The following DEPTOR variants were observed in gnomAD, a reference collection of about 807,000 sequenced individuals.
DEPTOR encodes DEP domain containing MTOR interacting protein, also known as DEP domain-containing mTOR-interacting protein.
In DEPTOR, 41 loss-of-function variants were observed where a neutral mutation model predicts 41.6. The ratio of observed to expected loss-of-function variants is 0.98; its 90% CI spans 0.77 to 1.28. DEPTOR has a LOEUF of 1.28. Ranked by LOEUF, DEPTOR falls within the 50% of genes most tolerant of loss-of-function variation. DEPTOR has a pLI of 0.00. For synonymous variants in DEPTOR, 195 were observed against 192.3 expected (o/e 1.01, Z -0.12); for missense variants, 514 against 527.9 (o/e 0.97, Z 0.26).
At chr8:120,030,076 G>A (rs1447524948) in intron 8 of DEPTOR, among the ~76,000 whole-genome samples, 1 of 152,178 alleles carries the variant, frequency 6.6e-6, no homozygotes, top group African/African-American at 2.4e-5. Context: ...TAGAGCCAGA[G>A]TAATCAGGAC....
At chr8:120,016,310 T>C (rs1241052642) in intron 8 of DEPTOR, among the ~76,000 whole-genome samples, 3 of 152,010 alleles carry the variant, frequency 2.0e-5, no homozygotes, top group African/African-American at 7.2e-5. Context: ...TTTTTCCTTT[T>C]TTTTTGAGAT....
intron 1 of DEPTOR, among the ~76,000 whole-genome samples, chr8:119,905,247 A>T (rs1827647720): frequency 6.6e-6 from 1 of 152,158 alleles, no homozygotes; most frequent in Non-Finnish European, 1.5e-5. Flanking sequence ...ACAGCCAGAG[A>T]TAGAAATGTG....
At chr8:120,011,283 A>G (rs1462475166) in intron 8 of DEPTOR, among the ~76,000 whole-genome samples, 1 of 152,126 alleles carries the variant, frequency 6.6e-6, no homozygotes, top group Non-Finnish European at 1.5e-5. Context: ...TCAGGGAGGC[A>G]CAGGCCCTGG....
At chr8:119,896,795 G>A (rs1827526333) in intron 1 of DEPTOR, among the ~76,000 whole-genome samples, 1 of 152,080 alleles carries the variant, frequency 6.6e-6, no homozygotes, top group South Asian at 2.1e-4. Flanking sequence ...ACCGTGCCCA[G>A]CCTTGACTAA....
intron 4 of DEPTOR, among the ~76,000 whole-genome samples, chr8:119,988,306 C>T (rs1159999320): frequency 6.6e-6 from 1 of 152,100 alleles, no homozygotes; most frequent in Non-Finnish European, 1.5e-5. Flanking sequence ...AGGCAATGTC[C>T]CACTCTGCTT....
intron 1 of DEPTOR, 77 bp downstream of exon 1, chr8:119,874,045 C>T: frequency 6.3e-7 from 1 of 1,581,796 alleles, no homozygotes; most frequent in Non-Finnish European, 8.6e-7. Context: ...CGCGCACGCG[C>T]TCCCTGGCTC....
intron 3 of DEPTOR, among the ~76,000 whole-genome samples, chr8:119,933,967 C>T (rs1828077678): frequency 6.6e-6 from 1 of 152,094 alleles, no homozygotes; most frequent in Non-Finnish European, 1.5e-5. Flanking sequence ...ACAACCTTCA[C>T]CTCCTAGGTT....
chr8:119,945,598 A>T (rs1195990651), intron 3 of DEPTOR, among the ~76,000 whole-genome samples: 1 of 152,234 alleles, frequency 6.6e-6, no homozygotes, highest in Non-Finnish European at 1.5e-5. Context: ...ACAATTCTGC[A>T]TTAAAAATAA....
chr8:119,919,718 C>T (rs1308477519), intron 1 of DEPTOR, among the ~76,000 whole-genome samples: 1 of 152,158 alleles, frequency 6.6e-6, no homozygotes, highest in Non-Finnish European at 1.5e-5. Flanking sequence ...GCCCAAATCA[C>T]AGGCTCACAC....
intron 1 of DEPTOR, among the ~76,000 whole-genome samples, chr8:119,924,490 G>C (rs371561797): frequency 6.6e-6 from 1 of 152,036 alleles, no homozygotes; most frequent in Admixed American, 6.6e-5. Context: ...TGGGTGGTGA[G>C]AGTCTACTTG....
In DEPTOR at chr8:120,006,926, C is replaced by T. The variant is rs921947023; in HGVS notation, c.996+51C>T. On this transcript the variant is annotated intron_variant, in intron 7 of 8. Transcript: ENST00000286234. ...TCCCGTGCTGCCCATTTTTCTGCAC[C>T]GTGTCCATGTGTCAATGGGTAGCTT... 1.2e-5 allele frequency: 19 copies of T among 1,554,428 alleles called. No individual in the cohort carries two copies. In the African/African-American group the frequency reaches 1.5e-4, roughly 12 times the overall value.
intron 1 of DEPTOR, among the ~76,000 whole-genome samples, chr8:119,882,652 T>C (rs1827313399): frequency 6.6e-6 from 1 of 151,998 alleles, no homozygotes; most frequent in South Asian, 2.1e-4. Context: ...CCAGCAATCC[T>C]CCCACCTCAG....
At chr8:119,970,064 A>C (rs1176226617) in intron 4 of DEPTOR, among the ~76,000 whole-genome samples, 1 of 152,226 alleles carries the variant, frequency 6.6e-6, no homozygotes, top group Non-Finnish European at 1.5e-5. Flanking sequence ...TACTCAAGGC[A>C]GAAATTGTTA....
Position 119,989,694 on chromosome 8 carries a change from G to A in DEPTOR, c.605-11831G>A, listed in dbSNP as rs373304276. Among the ~76,000 whole-genome samples the A allele has an allele frequency of 3.8e-4, 58 of 152,290 alleles. 1 individual carries two copies. The South Asian group carries it at 0.012, about 30-fold the overall frequency. On this transcript the variant is annotated intron_variant, in intron 4 of 8. Coordinates refer to ENST00000286234, the MANE Select transcript of DEPTOR (RefSeq NM_022783.4). Reference sequence around the variant, plus strand: ...AAACCTGTAATGTGCTTGGCACAGGGCCGTGCACAGGCTATCTATCACTCA... The same window carrying A: ...AAACCTGTAATGTGCTTGGCACAGGACCGTGCACAGGCTATCTATCACTCA...
At chr8:119,878,040 C>A (rs993186056) in intron 1 of DEPTOR, among the ~76,000 whole-genome samples, 3 of 152,152 alleles carry the variant, frequency 2.0e-5, no homozygotes, top group African/African-American at 7.2e-5. Flanking sequence ...AAGAGATTCT[C>A]CTGCCTCAAC....
intron 4 of DEPTOR, among the ~76,000 whole-genome samples, chr8:119,968,014 A>C (rs1224056039): frequency 6.6e-6 from 1 of 152,126 alleles, no homozygotes; most frequent in Non-Finnish European, 1.5e-5. Context: ...TGGTGGCCTA[A>C]CATGTCTAGC....
chr8:119,875,736 GA>G (rs1346515276), intron 1 of DEPTOR, among the ~76,000 whole-genome samples: 2 of 152,302 alleles, frequency 1.3e-5, no homozygotes, highest in African/African-American at 4.8e-5. Context: ...TTAAGATCAA[GA>G]ATGGAATAGT....
intron 1 of DEPTOR, among the ~76,000 whole-genome samples, chr8:119,882,063 T>A (rs1194041403): frequency 6.6e-6 from 1 of 152,162 alleles, no homozygotes; most frequent in Non-Finnish European, 1.5e-5. Flanking sequence ...GCTAATTTTT[T>A]AATTTTTAGT....
In DEPTOR at chr8:120,018,353, G is replaced by A. The variant is rs1380053875; in HGVS notation, c.1101+9220G>A. Among the ~76,000 whole-genome samples, 21 of 152,244 alleles carry A rather than the reference G, an allele frequency of 1.4e-4. No individual in the cohort carries two copies. In the East Asian group the frequency reaches 3.1e-3, roughly 22 times the overall value. The stretch of plus-strand genomic sequence containing the variant: ...AGCACTTTGGGAGGCCGAGGCAGGC[G>A]GATCACCTGAGATCAGGAGTTCGAG... On this transcript the variant is annotated intron_variant, in intron 8 of 8. Transcript: ENST00000286234.
Sources: allele counts gnomAD v4.1 joint callset (sites outside exome capture counted in the v4.1 genomes callset), GRCh38; gene constraint gnomAD v4.1.1; transcripts MANE v1.5; gene names NCBI Gene and HGNC (gene_info 2026-07-23, HGNC 2026-07-21).